MDH1: variants seen among roughly 807,000 people sequenced by gnomAD.
The protein encoded by MDH1 is malate dehydrogenase, cytoplasmic.
MDH1 carries 15 observed loss-of-function variants against 38.7 expected under a neutral mutation model. The ratio of observed to expected loss-of-function variants is 0.39; its 90% CI spans 0.26 to 0.60. The LOEUF is 0.60. Ranked by LOEUF, MDH1 falls within the 20% of genes least tolerant of loss-of-function variation. The pLI, the probability that MDH1 is intolerant of heterozygous loss-of-function variation, is 0.56. For missense variants in MDH1, 368 were observed against 405.2 expected (o/e 0.91, Z 0.79); for synonymous variants, 144 against 143.6 (o/e 1.00, Z -0.02).
At chr2:63,598,348 C>T (rs1362970945) in intron 4 of MDH1, among the ~76,000 whole-genome samples, 7 of 152,118 alleles carry the variant, frequency 4.6e-5, no homozygotes, top group South Asian at 4.2e-4. Flanking sequence ...AGGCTGGTCT[C>T]GAACTCCTGA....
intron 3 of MDH1, among the ~76,000 whole-genome samples, chr2:63,596,873 C>T (rs989800336): frequency 2.0e-5 from 3 of 152,090 alleles, no homozygotes; most frequent in Non-Finnish European, 2.9e-5. Context: ...TTGATGGTGG[C>T]GAGTTAATCT....
intron 1 of MDH1, 32 bp downstream of exon 1, chr2:63,589,078 C>G: frequency 1.2e-6 from 2 of 1,614,232 alleles, no homozygotes; most frequent in Non-Finnish European, 1.7e-6. Context: ...CTGCCCACCT[C>G]TGGCCCTCGC....
rs1199892592 is a variant in MDH1 at position 63,599,304 on chromosome 2, A to G, written c.498+12A>G. 4 of 1,605,740 alleles carry G rather than the reference A, an allele frequency of 2.5e-6. No individual in the cohort carries two copies. Among genetic ancestry groups the G allele is most frequent in the Admixed American group, 1.7e-5 (1 of 58,894 alleles). ...GAGCTAAAGCTCAAGTAAGAAAAAT[A>G]TATTTTAAATCTTGTGGTTGTTCAA... On this transcript the variant is annotated intron_variant, in intron 5 of 8. Coordinates refer to ENST00000233114, the MANE Select transcript of MDH1 (RefSeq NM_005917.4).
At chr2:63,598,817 G>T (rs1000590387) in intron 4 of MDH1, among the ~76,000 whole-genome samples, 1 of 148,302 alleles carries the variant, frequency 6.7e-6, no homozygotes, top group Non-Finnish European at 1.5e-5. Flanking sequence ...AAGCGTCCTT[G>T]TTCGTGAGAA....
In MDH1 at chr2:63,605,967, C is replaced by G. The variant is rs1709519954; in HGVS notation, c.818C>G (p.Ser273Cys). 6.2e-7 allele frequency: 1 copy of G among 1,614,156 alleles called. No homozygotes were observed. The highest frequency in any genetic ancestry group is 8.5e-7 in the Non-Finnish European group (1 of 1,179,972). Residue 273 changes from serine (S) to cysteine (C), a missense_variant, in exon 8 of 9, where the codon TCT (serine) becomes TGT (cysteine). Physicochemically the swap from Ser to Cys is moderately radical, Grantham distance 112. Coordinates refer to ENST00000233114, the MANE Select transcript of MDH1 (RefSeq NM_005917.4). ...EGEFVSMGVISDGNSYGVPDD... is the reference protein window; with the variant it reads ...EGEFVSMGVICDGNSYGVPDD... ...GAGTTTGTGTCCATGGGTGTTATCT[C>G]TGATGGCAACTCCTATGGTGTTCCT...
Position 63,597,540 on chromosome 2 carries a change from C to A in MDH1, c.341C>A (p.Ala114Glu). The change falls in exon 4 of 9, where the codon GCA becomes GAA. Residue 114 changes from alanine (A) to glutamate (E), a missense_variant. Coordinates refer to ENST00000233114, the MANE Select transcript of MDH1 (RefSeq NM_005917.4). ...ANVKIFKSQG[A>E]ALDKYAKKSV... ...GTGAAAATCTTCAAATCCCAGGGTG[C>A]AGCCTTAGATAAATACGCCAAGAAG... 6.8e-7 allele frequency: 1 copy of A among 1,477,664 alleles called. No homozygotes were observed. The highest frequency in any genetic ancestry group is 1.8e-4 in the Middle Eastern group (1 of 5,578). 91.5% of individuals were successfully genotyped at this position (1,477,664 alleles called of 1,614,324 possible).
chr2:63,599,130 A>G lies in MDH1; in HGVS notation c.376-40A>G. On this transcript the variant is annotated intron_variant, in intron 4 of 8. Coordinates refer to ENST00000233114, the MANE Select transcript of MDH1 (RefSeq NM_005917.4). Reference sequence around the variant, plus strand: ...TTTTAACATAGATTAGTTAGTAACTATATAGTCTGTAACTCTTCAGTGCCT... The same window carrying G: ...TTTTAACATAGATTAGTTAGTAACTGTATAGTCTGTAACTCTTCAGTGCCT... The G allele has an allele frequency of 3.1e-6, 5 of 1,602,850 alleles. No homozygotes were observed. The South Asian group carries it at 3.4e-5, about 11-fold the overall frequency.
At chr2:63,599,090 A>G in intron 4 of MDH1, 80 bp from the exon 5 acceptor site, 1 of 1,450,714 alleles carries the variant, frequency 6.9e-7, no homozygotes, top group Non-Finnish European at 9.4e-7. Flanking sequence ...TACCTGTTAG[A>G]CATTTTCAGT....
At chr2:63,590,862 A>C (rs1709185731) in intron 1 of MDH1, 1 of 152,166 alleles carries the variant, frequency 6.6e-6, no homozygotes, top group Admixed American at 6.6e-5. Flanking sequence ...GAATGGACAG[A>C]GTTAGAAAAG....
chr2:63,599,175 T>C lies in MDH1; in HGVS notation c.381T>C (p.Ile127=). The C allele has an allele frequency of 6.2e-7, 1 of 1,613,644 alleles. No homozygotes were observed. The change falls in exon 5 of 9, where the codon ATT becomes ATC. Residue 127 remains isoleucine (I), a synonymous_variant. Coordinates refer to ENST00000233114, the MANE Select transcript of MDH1 (RefSeq NM_005917.4). ...GTGCCTTCCATTCCTCCTAGGTTAT[T>C]GTTGTGGGTAATCCAGCCAATACCA... The part of the protein sequence containing the change: ...DKYAKKSVKV[I]VVGNPANTNC...
At position 63,597,547 on chromosome 2, in the gene MDH1, A is replaced by G. The variant is rs1003546422; in HGVS notation, c.348A>G (p.Leu116=). 7 of 1,442,848 alleles carry G rather than the reference A, an allele frequency of 4.9e-6. No individual in the cohort carries two copies. In the African/African-American group the frequency reaches 1.0e-4, roughly 21 times the overall value. The allele number at this position is 1,442,848 out of a possible 1,614,324, so 89.4% of individuals were successfully genotyped here. A position where few individuals can be genotyped will look rare whatever the true frequency, so the allele number is the denominator to read the frequency against. Residue 116 remains leucine, a synonymous_variant, in exon 4 of 9, where the codon TTA becomes TTG. Transcript: ENST00000233114. ...VKIFKSQGAA[L]DKYAKKSVKV... Reference sequence around the variant, plus strand: ...TCTTCAAATCCCAGGGTGCAGCCTTAGATAAATACGCCAAGAAGTCAGTTA... The same window carrying G: ...TCTTCAAATCCCAGGGTGCAGCCTTGGATAAATACGCCAAGAAGTCAGTTA...
chr2:63,604,872 G>GACT lies in MDH1; in HGVS notation c.675_675+1insACT (p.Thr226dup). 6.2e-7 allele frequency: 1 copy of GACT among 1,613,752 alleles called. No homozygotes were observed. Among genetic ancestry groups the GACT allele is most frequent in the Non-Finnish European group, 8.5e-7 (1 of 1,179,890 alleles). ...GCTGGCTCAAGGGAGAATTTGTCAC[G>GACT]GTAAGAAAAATCTGTGAGCCTTCTT... On this transcript the variant is annotated inframe_insertion and splice_region_variant. Coordinates refer to ENST00000233114, the MANE Select transcript of MDH1 (RefSeq NM_005917.4).
chr2:63,589,364 G>T (rs1158872676), intron 1 of MDH1: 2 of 1,550,626 alleles, frequency 1.3e-6, no homozygotes, highest in East Asian at 4.9e-5. Context: ...GGACGTTACG[G>T]TGTTTGATAA....
At chr2:63,605,018 CT>C in intron 6 of MDH1, 146 bp downstream of exon 6, 1 of 760,124 alleles carries the variant, frequency 1.3e-6, no homozygotes, top group Non-Finnish European at 2.1e-6. Flanking sequence ...CAGTCATGAT[CT>C]AGTGTGATCT....
At position 63,606,869 on chromosome 2, in the gene MDH1, C is replaced by T; in HGVS notation, c.887C>T (p.Thr296Ile). 6.2e-7 allele frequency: 1 copy of T among 1,610,036 alleles called. No individual in the cohort carries two copies. The part of the protein sequence containing the change: ...YSFPVVIKNK[T>I]WKFVEGLPIN... ...TGCATTATTTTCAAACAGAATAAGA[C>T]CTGGAAGTTTGTTGAAGGTCTCCCT... Residue 296 changes from threonine to isoleucine, a missense_variant, in exon 9 of 9, where the codon ACC (threonine) becomes ATC (isoleucine). Transcript: ENST00000233114.
At chr2:63,590,102 G>A (rs1323718629) in intron 1 of MDH1, 1 of 152,272 alleles carries the variant, frequency 6.6e-6, no homozygotes, top group Non-Finnish European at 1.5e-5. Context: ...TTAAACCTAG[G>A]TTTCCTAAAT....
intron 4 of MDH1, among the ~76,000 whole-genome samples, chr2:63,598,394 G>T (rs1375308517): frequency 6.6e-6 from 1 of 152,284 alleles, no homozygotes; most frequent in East Asian, 1.9e-4. Flanking sequence ...CTCCCAAAGT[G>T]CTGGGATTAC....
At chr2:63,589,645 A>G (rs1709121758) in intron 1 of MDH1, among the ~76,000 whole-genome samples, 1 of 152,234 alleles carries the variant, frequency 6.6e-6, no homozygotes, top group Non-Finnish European at 1.5e-5. Flanking sequence ...CACTAACTAA[A>G]TAACTACTGC....
At chr2:63,589,498 G>A in intron 1 of MDH1, 1 of 1,000,690 alleles carries the variant, frequency 1.0e-6, no homozygotes. Context: ...TGGAAAGGTA[G>A]TATTTACCAG....
Sources: gnomAD v4.1 joint callset for allele counts (sites outside exome capture counted in the v4.1 genomes callset) on GRCh38, gnomAD v4.1.1 for gene constraint, MANE v1.5 for transcripts, NCBI Gene and HGNC (gene_info 2026-07-23, HGNC 2026-07-21) for gene names.